MAN1A2: variants seen among roughly 807,000 people sequenced by gnomAD.
MAN1A2 encodes mannosidase alpha class 1A member 2, also known as mannosyl-oligosaccharide 1,2-alpha-mannosidase IB.
In MAN1A2, 26 loss-of-function variants were observed where a neutral mutation model predicts 75.7. The ratio of observed to expected loss-of-function variants is 0.34; its 90% confidence interval spans 0.25 to 0.48. The LOEUF is 0.48. Ranked by LOEUF, MAN1A2 falls within the 20% of genes least tolerant of loss-of-function variation. MAN1A2 has a pLI of 0.99. For missense variants in MAN1A2, 562 were observed against 775.5 expected, an observed-to-expected ratio of 0.72 and a Z score of 3.27; for synonymous variants, 247 against 264.6, an observed-to-expected ratio of 0.93 and a Z score of 0.65.
At position 117,439,964 on chromosome 1, in the gene MAN1A2, CT is replaced by C. The variant is rs1648977088; in HGVS notation, c.856-2265del. On this transcript the variant is annotated intron_variant, in intron 5 of 12. Coordinates refer to ENST00000356554, the MANE Select transcript of MAN1A2 (RefSeq NM_006699.5). ...TATACTGATTGAGACAACAAATTCA[CT>C]TCTGGAATTTATCTTAGATAGCCAT... 1.3e-5 allele frequency among the ~76,000 whole-genome samples: 2 copies of C among 152,162 alleles called. 1 individual carries two copies. Among genetic ancestry groups the C allele is most frequent in the South Asian group, 4.1e-4 (2 of 4,832 alleles).
Position 117,368,481 on chromosome 1 carries a change from C to T in MAN1A2, c.298C>T (p.His100Tyr), listed in dbSNP as rs370129022. 2.1e-5 allele frequency: 34 copies of T among 1,602,660 alleles called. No homozygotes were observed. Among genetic ancestry groups the T allele is most frequent in the Non-Finnish European group, 2.8e-5 (33 of 1,175,846 alleles). Residue 100 changes from histidine to tyrosine, a missense_variant, in exon 1 of 13, where the codon CAC becomes TAC. Around this residue, in one of 2 missense-constraint regions of MAN1A2, gnomAD observed 128 missense variants for 129.8 expected, o/e 0.99. Coordinates refer to ENST00000356554, the MANE Select transcript of MAN1A2 (RefSeq NM_006699.5). ...GATCCATGGACCCGATGAACATAGA[C>T]ACAGGTTTGTTTATTTCAGAAGTTC... is the stretch of plus-strand genomic sequence containing the variant. Reference protein sequence around the residue: ...FLIHGPDEHRHREEEERLRNK... With the variant: ...FLIHGPDEHRYREEEERLRNK...
intron 12 of MAN1A2, among the ~76,000 whole-genome samples, chr1:117,506,762 G>A (rs1271707551): frequency 6.6e-6 from 1 of 151,546 alleles, no homozygotes; most frequent in Non-Finnish European, 1.5e-5. Flanking sequence ...GGCAAGGTGG[G>A]TAAAATAGGA....
At chr1:117,493,377 A>G (rs1346787837) in intron 9 of MAN1A2, 115 bp downstream of exon 9, 16 of 578,588 alleles carry the variant, frequency 2.8e-5, no homozygotes, top group South Asian at 2.5e-4. Flanking sequence ...AAATACATAC[A>G]AACATTTTAT....
chr1:117,400,795 A>G (rs1210877294), intron 1 of MAN1A2, among the ~76,000 whole-genome samples: 1 of 152,148 alleles, frequency 6.6e-6, no homozygotes, highest in Non-Finnish European at 1.5e-5. Flanking sequence ...TTTGCCTATT[A>G]TGGGCTATAA....
At chr1:117,386,073 T>C (rs761629719) in intron 1 of MAN1A2, among the ~76,000 whole-genome samples, 39 of 152,188 alleles carry the variant, frequency 2.6e-4, no homozygotes, top group Non-Finnish European at 5.1e-4. Flanking sequence ...GAAGATTAAG[T>C]ATCTTGAATT....
At chr1:117,415,958 C>CT (rs957213521) in intron 4 of MAN1A2, among the ~76,000 whole-genome samples, 1 of 152,068 alleles carries the variant, frequency 6.6e-6, no homozygotes, top group Non-Finnish European at 1.5e-5. Flanking sequence ...GAAATGTAGT[C>CT]TTTTTTTCTG....
rs1048589502 is a variant in MAN1A2, at chr1:117,523,914, T to C, written c.*957T>C. ...AGAGTCACTCAACTTACAACTTTAT[T>C]TATGTGGCTTGGCAAAAATCACTAT... On this transcript the variant is annotated 3_prime_UTR_variant, in exon 13 of 13. Coordinates refer to ENST00000356554, the MANE Select transcript of MAN1A2 (RefSeq NM_006699.5). The C allele has an allele frequency of 6.6e-6, 1 of 152,170 alleles. No individual in the cohort carries two copies. The highest frequency in any genetic ancestry group is 2.4e-5 in the African/African-American group (1 of 41,414). 9.4% of individuals were successfully genotyped at this position (152,170 alleles called of 1,614,324 possible). A position where few individuals can be genotyped will look rare whatever the true frequency, so the allele number is the denominator to read the frequency against.
At chr1:117,458,491 A>ATATC (rs1266257739) in intron 6 of MAN1A2, among the ~76,000 whole-genome samples, 723 of 66,490 alleles carry the variant, frequency 0.011, 4 homozygotes, top group African/African-American at 0.043. Flanking sequence ...AGAAATATAT[A>ATATC]TATATCTATA....
chr1:117,471,182 C>G (rs1417482645), intron 8 of MAN1A2, among the ~76,000 whole-genome samples: 1 of 151,686 alleles, frequency 6.6e-6, no homozygotes, highest in East Asian at 1.9e-4. Context: ...CAAGAATGGA[C>G]ATGTTATGCC....
At chr1:117,491,632 G>A (rs2101871922) in intron 8 of MAN1A2, among the ~76,000 whole-genome samples, 1 of 152,108 alleles carries the variant, frequency 6.6e-6, no homozygotes, top group Admixed American at 6.6e-5. Flanking sequence ...TCTTATTTAA[G>A]GATTGCATTT....
chr1:117,395,360 A>G (rs1653871429), intron 1 of MAN1A2, among the ~76,000 whole-genome samples: 1 of 152,200 alleles, frequency 6.6e-6, no homozygotes, highest in African/African-American at 2.4e-5. Context: ...TTGACCCTGA[A>G]CAAACTATTT....
chr1:117,389,950 T>C lies in MAN1A2; in HGVS notation c.303-12236T>C, dbSNP rs138627914. On this transcript the variant is annotated intron_variant, in intron 1 of 12. Coordinates refer to ENST00000356554, the MANE Select transcript of MAN1A2 (RefSeq NM_006699.5). ...TTTGGTCAAATACTTTTTCTGCATC[T>C]CTTGATGATCATGAGGTCATTCTTT... is the stretch of plus-strand genomic sequence containing the variant. 2.2e-4 allele frequency among the ~76,000 whole-genome samples: 34 copies of C among 152,308 alleles called. No individual in the cohort carries two copies. In the South Asian group the frequency reaches 6.8e-3, roughly 31 times the overall value.
intron 1 of MAN1A2, among the ~76,000 whole-genome samples, chr1:117,386,372 T>C (rs1177560789): frequency 6.6e-6 from 1 of 152,048 alleles, no homozygotes. Context: ...ATGGGGACAT[T>C]TTTTGGTTGT....
At chr1:117,410,580 A>G (rs1488855113) in intron 3 of MAN1A2, among the ~76,000 whole-genome samples, 1 of 151,470 alleles carries the variant, frequency 6.6e-6, no homozygotes, top group Non-Finnish European at 1.5e-5. Flanking sequence ...GTAACATTGT[A>G]CTGGAGATCC....
At chr1:117,403,825 T>G (rs1293993313) in intron 2 of MAN1A2, among the ~76,000 whole-genome samples, 4 of 152,204 alleles carry the variant, frequency 2.6e-5, no homozygotes, top group Non-Finnish European at 5.9e-5. Flanking sequence ...GTGGCGAGAA[T>G]GGACATACTA....
intron 3 of MAN1A2, among the ~76,000 whole-genome samples, chr1:117,409,531 G>A (rs1183291803): frequency 6.7e-6 from 1 of 149,444 alleles, no homozygotes; most frequent in Non-Finnish European, 1.5e-5. Context: ...AATGGTATGT[G>A]TATATTCTGC....
chr1:117,436,490 T>C (rs1285730503), intron 5 of MAN1A2, among the ~76,000 whole-genome samples: 1 of 152,210 alleles, frequency 6.6e-6, no homozygotes, highest in Non-Finnish European at 1.5e-5. Context: ...CTCCCCTTGC[T>C]GATGTGAAGG....
chr1:117,420,488 AAAAC>A (rs781353537), intron 4 of MAN1A2, 77 bp from the exon 5 acceptor site: 4 of 1,015,224 alleles, frequency 3.9e-6, no homozygotes, highest in Non-Finnish European at 6.0e-6. Flanking sequence ...GTGTTTGTGA[AAAAC>A]AAATGAAGTA....
At chr1:117,402,679 C>G (rs898385170) in intron 2 of MAN1A2, among the ~76,000 whole-genome samples, 16 of 151,086 alleles carry the variant, frequency 1.1e-4, no homozygotes, top group Non-Finnish European at 1.6e-4. Context: ...ATGGTTAGTG[C>G]CACTCATTCT....
Sources: gnomAD v4.1 joint callset for allele counts (sites outside exome capture counted in the v4.1 genomes callset) on GRCh38, gnomAD v4.1.1 for gene constraint, gnomAD v4.1.1 regional missense constraint, MANE v1.5 for transcripts, NCBI Gene and HGNC (gene_info 2026-07-23, HGNC 2026-07-21) for gene names.